The following AGAP5 variants were observed in gnomAD, a reference collection of about 807,000 sequenced individuals.
The protein encoded by AGAP5 is arf-GAP with GTPase, ANK repeat and PH domain-containing protein 5.
In AGAP5, 8 loss-of-function variants were observed where a neutral mutation model predicts 27.7. The ratio of observed to expected loss-of-function variants is 0.29; its 90% CI spans 0.17 to 0.52. The LOEUF (loss-of-function observed/expected upper bound fraction) is 0.52, where lower values mean the gene tolerates loss of function less well. Ranked by LOEUF, AGAP5 falls within the 20% of genes least tolerant of loss-of-function variation. The pLI is 0.97. For synonymous variants in AGAP5, 111 were observed against 338.0 expected (o/e 0.33, Z 7.37); for missense variants, 285 against 880.8 (o/e 0.32, Z 8.56).
At chr10:73,677,638 G>A (rs1005536541) in intron 6 of AGAP5, among the ~76,000 whole-genome samples, 31 of 151,936 alleles carry the variant, frequency 2.0e-4, no homozygotes, top group Non-Finnish European at 4.4e-4. Flanking sequence ...CACTTGCCTC[G>A]GCCTCCAAAG....
Position 73,697,480 on chromosome 10 carries a change from A to T in AGAP5, c.223+53T>A, listed in dbSNP as rs993170546. Reference sequence around the variant, plus strand: ...GGATGCCGTAAAGGGAACCTTGGGGACAGCAGCAGCCAGAGGCAAACCGAG... The same window carrying T: ...GGATGCCGTAAAGGGAACCTTGGGGTCAGCAGCAGCCAGAGGCAAACCGAG... On this transcript the variant is annotated intron_variant, in intron 1 of 7. Transcript: ENST00000374094. 3.1e-5 allele frequency: 49 copies of T among 1,605,892 alleles called. No individual in the cohort carries two copies. In the African/African-American group the frequency reaches 6.1e-4, roughly 20 times the overall value.
At chr10:73,685,680 G>A (rs574491887) in intron 4 of AGAP5, among the ~76,000 whole-genome samples, 48 of 151,962 alleles carry the variant, frequency 3.2e-4, no homozygotes, top group African/African-American at 1.1e-3. Flanking sequence ...AGCCACCAGA[G>A]TAGATGGGAT....
chr10:73,687,787 TA>T, intron 4 of AGAP5, among the ~76,000 whole-genome samples: 1 of 152,150 alleles, frequency 6.6e-6, no homozygotes, highest in Non-Finnish European at 1.5e-5. Context: ...TCATTAGTCA[TA>T]AAATAAAGGT....
At chr10:73,689,896 G>T (rs528055062) in intron 4 of AGAP5, among the ~76,000 whole-genome samples, 1 of 150,536 alleles carries the variant, frequency 6.6e-6, no homozygotes, top group African/African-American at 2.4e-5. Context: ...CGCCCCGTCC[G>T]GGAGGTGAGG....
chr10:73,678,335 C>T (rs1270150416), intron 6 of AGAP5, among the ~76,000 whole-genome samples: 1 of 151,792 alleles, frequency 6.6e-6, no homozygotes, highest in Non-Finnish European at 1.5e-5. Context: ...CATGCCAATG[C>T]ACTCCAGCCA....
At chr10:73,693,756 T>G (rs2082138599) in intron 3 of AGAP5, among the ~76,000 whole-genome samples, 2 of 151,822 alleles carry the variant, frequency 1.3e-5, no homozygotes, top group Admixed American at 1.3e-4. Context: ...CCTCCCTCTT[T>G]CACTGTGTGG....
intron 5 of AGAP5, chr10:73,681,145 G>C (rs2082021751): frequency 5.9e-6 from 1 of 169,904 alleles, no homozygotes; most frequent in Non-Finnish European, 1.1e-5. Context: ...TCTTCCACAT[G>C]AGACATTTTA....
At position 73,697,701 on chromosome 10, in the gene AGAP5, G is replaced by GC; in HGVS notation, c.54_55insG (p.Gln19AlafsTer10). ...GAGGGACACACCGACCCCTGTTGCT[G>GC]GTCAAACTCGAGGCTGACGCTAGGG... On this transcript the variant is annotated frameshift_variant, in exon 1 of 8. Coordinates refer to ENST00000374094, the MANE Select transcript of AGAP5 (RefSeq NM_001144000.4). LOFTEE classifies it high-confidence loss of function. 6.3e-7 allele frequency: 1 copy of GC among 1,598,408 alleles called. No individual in the cohort carries two copies. The highest frequency in any genetic ancestry group is 1.1e-5 in the South Asian group (1 of 91,004).
intron 3 of AGAP5, 128 bp downstream of exon 3, chr10:73,694,608 T>A: frequency 6.5e-7 from 1 of 1,543,880 alleles, no homozygotes; most frequent in Admixed American, 1.9e-5. Flanking sequence ...CATATTAAAA[T>A]AAGACAAGTG....
intron 2 of AGAP5, among the ~76,000 whole-genome samples, chr10:73,695,234 T>C (rs1301811540): frequency 1.3e-5 from 2 of 152,174 alleles, no homozygotes; most frequent in South Asian, 4.1e-4. Context: ...TTTTAAAAAG[T>C]AAATTCATCA....
rs766267934 is a variant in AGAP5 at position 73,674,937 on chromosome 10, G to C, written c.1723C>G (p.Leu575Val). The C allele has an allele frequency of 2.5e-5, 41 of 1,612,774 alleles. No individual in the cohort carries two copies. In the African/African-American group the frequency reaches 4.8e-4, roughly 19 times the overall value. ...RWIRSKYEEKLFLAPLPCTEL... is the reference protein window; with the variant it reads ...RWIRSKYEEKVFLAPLPCTEL... ...GTGCAGGGTAGTGGGGCCAGAAAGA[G>C]CTTCTCCTCATATTTGGAACGGATC... The change falls in exon 8 of 8, where the codon CTC (leucine) becomes GTC (valine). Residue 575 changes from leucine to valine, a missense_variant. Transcript: ENST00000374094.
At chr10:73,685,527 A>G (rs1296782577) in intron 4 of AGAP5, among the ~76,000 whole-genome samples, 1 of 151,076 alleles carries the variant, frequency 6.6e-6, no homozygotes, top group Non-Finnish European at 1.5e-5. Flanking sequence ...CCCTGGTATG[A>G]AACCCATTTG....
In AGAP5 at chr10:73,678,129, T is replaced by C. The variant is rs561669377; in HGVS notation, c.534-1359A>G. Among the ~76,000 whole-genome samples the C allele has an allele frequency of 6.7e-3, 1,014 of 152,140 alleles. 14 individuals are homozygous for C. Among genetic ancestry groups the C allele is most frequent in the African/African-American group, 0.021 (855 of 41,526 alleles). On this transcript the variant is annotated intron_variant, in intron 6 of 7. Transcript: ENST00000374094. ...CTGGGCCAGCGCAGTGGCTCACGCC[T>C]GTAAAATCCCAGCACTTTGAGAGGC...
chr10:73,692,086 A>T lies in AGAP5; in HGVS notation c.362-9T>A. ...TCTTCTTATTTCTACAACTAAGAAT[A>T]AAAAAAAAAACTGGTCACTTCTGAT... On this transcript the variant is annotated splice_polypyrimidine_tract_variant and intron_variant, in intron 3 of 7. Transcript: ENST00000374094. 6.7e-7 allele frequency: 1 copy of T among 1,484,264 alleles called. No individual in the cohort carries two copies. Among genetic ancestry groups the T allele is most frequent in the Non-Finnish European group, 9.0e-7 (1 of 1,109,648 alleles). 91.9% of individuals were successfully genotyped at this position (1,484,264 alleles called of 1,614,324 possible).
chr10:73,678,862 C>T (rs1289914076), intron 6 of AGAP5, among the ~76,000 whole-genome samples: 1 of 150,640 alleles, frequency 6.6e-6, no homozygotes, highest in Admixed American at 6.6e-5. Flanking sequence ...GCTTCTTTTT[C>T]TCTTTTTTTG....
chr10:73,688,924 T>G (rs1265112820), intron 4 of AGAP5, among the ~76,000 whole-genome samples: 1 of 152,190 alleles, frequency 6.6e-6, no homozygotes, highest in African/African-American at 2.4e-5. Flanking sequence ...AGAGCACAAC[T>G]GCCTCTGCCT....
intron 4 of AGAP5, among the ~76,000 whole-genome samples, chr10:73,690,310 C>T (rs972650563): frequency 6.6e-6 from 1 of 152,178 alleles, no homozygotes; most frequent in African/African-American, 2.4e-5. Flanking sequence ...GACCTTACCC[C>T]CAACCCTGTG....
At chr10:73,696,760 T>C (rs1439440758) in intron 2 of AGAP5, among the ~76,000 whole-genome samples, 1 of 152,236 alleles carries the variant, frequency 6.6e-6, no homozygotes, top group Non-Finnish European at 1.5e-5. Flanking sequence ...TAGAAGAAAC[T>C]AAGCAGCTTC....
chr10:73,689,332 C>G (rs1589474130), intron 4 of AGAP5, among the ~76,000 whole-genome samples: 1 of 152,234 alleles, frequency 6.6e-6, no homozygotes, highest in African/African-American at 2.4e-5. Context: ...GATCTCGGCT[C>G]GCTACAACCT....
Sources: gnomAD v4.1 joint callset for allele counts (sites outside exome capture counted in the v4.1 genomes callset) on GRCh38, gnomAD v4.1.1 for gene constraint, MANE v1.5 for transcripts, NCBI Gene and HGNC (gene_info 2026-07-23, HGNC 2026-07-21) for gene names.